The following SLC22A4 variants were observed in gnomAD, a reference collection of about 807,000 sequenced individuals.
SLC22A4 encodes the protein ET transporter.
Under a neutral mutation model 56.6 loss-of-function variants are expected in SLC22A4, and 39 were observed. That is an observed-to-expected ratio of 0.69 (90% confidence interval 0.53 to 0.90). The LOEUF (loss-of-function observed/expected upper bound fraction) is 0.90, where lower values mean the gene tolerates loss of function less well. SLC22A4 is among the 40% of genes least tolerant of loss of function. The pLI, the probability that SLC22A4 is intolerant of heterozygous loss-of-function variation, is 0.00. For synonymous variants in SLC22A4, 241 were observed against 281.4 expected, an observed-to-expected ratio of 0.86 and a Z score of 1.44; for missense variants, 594 against 696.5, an observed-to-expected ratio of 0.85 and a Z score of 1.66.
intron 5 of SLC22A4, among the ~76,000 whole-genome samples, chr5:132,328,138 C>G (rs1005982475): frequency 6.6e-6 from 1 of 152,064 alleles, no homozygotes; most frequent in Non-Finnish European, 1.5e-5. Flanking sequence ...ACACTGTGTG[C>G]CAGCAATACA....
Position 132,294,828 on chromosome 5 carries a change from T to A in SLC22A4, c.212T>A (p.Leu71Gln). The A allele has an allele frequency of 4.3e-6, 7 of 1,610,868 alleles. No homozygotes were observed. Among genetic ancestry groups the A allele is most frequent in the Non-Finnish European group, 3.4e-6 (4 of 1,179,036 alleles). The part of the protein sequence containing the change: ...AWRNNSVPLR[L>Q]RDGREVPHSC... The stretch of plus-strand genomic sequence containing the variant: ...CGCAACAACAGTGTCCCGCTGCGGC[T>A]GCGGGACGGCCGCGAGGTGCCCCAC... Residue 71 changes from leucine (L) to glutamine (Q), a missense_variant, in exon 1 of 10, where the codon CTG becomes CAG. Leu to Gln is a moderately radical substitution (Grantham distance 113). Coordinates refer to ENST00000200652, the MANE Select transcript of SLC22A4 (RefSeq NM_003059.3). This position sits in a 1 kb window ranked among gnomAD's most constrained non-coding sequence, Gnocchi z 5.6.
chr5:132,331,800 G>T lies in SLC22A4; in HGVS notation c.996G>T (p.Leu332=). ...LKQQKAFILD[L]FRTRNIAIMT... ...AGCAGAAAGCTTTCATTCTGGACCT[G>T]TTCAGGACTCGGAATATTGCCATAA... is the stretch of plus-strand genomic sequence containing the variant. The change falls in exon 6 of 10, where the codon CTG becomes CTT. Residue 332 remains leucine, a synonymous_variant. Transcript: ENST00000200652. 1 of 1,613,920 alleles carries T rather than the reference G, an allele frequency of 6.2e-7. No homozygotes were observed. The highest frequency in any genetic ancestry group is 8.5e-7 in the Non-Finnish European group (1 of 1,179,846).
chr5:132,320,797 G>C (rs897517022), intron 3 of SLC22A4: 5 of 152,206 alleles, frequency 3.3e-5, no homozygotes, highest in African/African-American at 1.2e-4. Flanking sequence ...ATATAAACAT[G>C]ACTGAGAAAA....
Position 132,334,772 on chromosome 5 carries a change from T to A in SLC22A4, c.1101T>A (p.His367Gln). The change falls in exon 7 of 10, where the codon CAT (histidine) becomes CAA (glutamine). Residue 367 changes from histidine to glutamine, a missense_variant. By Grantham distance (24) the His-to-Gln change is conservative. Transcript: ENST00000200652. ...FALSLDAPNL[H>Q]GDAYLNCFLS... ...TGTCTCTGGATGCTCCTAATTTACA[T>A]GGAGATGCCTACCTGAACTGTTTCC... is the stretch of plus-strand genomic sequence containing the variant. 1 of 1,613,522 alleles carries A rather than the reference T, an allele frequency of 6.2e-7. No individual in the cohort carries two copies. Among genetic ancestry groups the A allele is most frequent in the South Asian group, 1.1e-5 (1 of 91,072 alleles).
At chr5:132,316,960 G>C (rs1466720500) in intron 3 of SLC22A4, among the ~76,000 whole-genome samples, 1 of 152,198 alleles carries the variant, frequency 6.6e-6, no homozygotes. Context: ...AGATCAAAGT[G>C]CCAGCAGGGT....
intron 1 of SLC22A4, among the ~76,000 whole-genome samples, chr5:132,300,822 C>T (rs76042842): frequency 1.3e-5 from 2 of 152,280 alleles, no homozygotes; most frequent in South Asian, 2.1e-4. Flanking sequence ...TGAGCAGGAA[C>T]GCAAGCAGGG....
chr5:132,301,369 T>G (rs78400356), intron 1 of SLC22A4, among the ~76,000 whole-genome samples: 6,606 of 152,350 alleles, frequency 0.043, 397 homozygotes, highest in African/African-American at 0.13. Context: ...ACCAGTGATC[T>G]AAGACAGGGC....
In SLC22A4 at chr5:132,312,237, C is replaced by T. The variant is rs781338157; in HGVS notation, c.470C>T (p.Ser157Phe). ...SLFFVGVLLG[S>F]FVSGQLSDRF... ...TTCTTCGTAGGCGTGCTCCTCGGCT[C>T]CTTCGTGTCCGGGCAGCTGTCAGAC... The change falls in exon 2 of 10, where the codon TCC becomes TTC. Residue 157 changes from serine to phenylalanine, a missense_variant. Physicochemically the swap from Ser to Phe is radical, Grantham distance 155. Coordinates refer to ENST00000200652, the MANE Select transcript of SLC22A4 (RefSeq NM_003059.3). The T allele has an allele frequency of 1.3e-5, 21 of 1,613,332 alleles. No individual in the cohort carries two copies. In the Admixed American group the frequency reaches 2.3e-4, roughly 18 times the overall value.
intron 6 of SLC22A4, among the ~76,000 whole-genome samples, chr5:132,333,603 A>G (rs1027687532): frequency 2.0e-5 from 3 of 152,210 alleles, no homozygotes; most frequent in South Asian, 2.1e-4. Context: ...TTCTAAGCAC[A>G]TAGTTAGATG....
rs368904414 is a variant in SLC22A4, at chr5:132,312,174, G to A, written c.407G>A (p.Cys136Tyr). 3.1e-6 allele frequency: 5 copies of A among 1,610,032 alleles called. No individual in the cohort carries two copies. In the African/African-American group the frequency reaches 5.3e-5, roughly 17 times the overall value. The change falls in exon 2 of 10, where the codon TGT becomes TAT. Residue 136 changes from cysteine (C) to tyrosine (Y), a missense_variant. By Grantham distance (194) the Cys-to-Tyr change is radical (BLOSUM62 -2). Transcript: ENST00000200652. ...STVVTEWNLV[C>Y]EDNWKVPLTT... ...CTTCCTTGGCAGTGGAATCTGGTGTGTGAGGACAACTGGAAGGTGCCCCTC... is the reference window on the plus strand; with the variant it reads ...CTTCCTTGGCAGTGGAATCTGGTGTATGAGGACAACTGGAAGGTGCCCCTC...
chr5:132,343,943 T>C lies in SLC22A4; in HGVS notation c.*108T>C, dbSNP rs998903680. The C allele has an allele frequency of 1.4e-6, 1 of 691,952 alleles. No homozygotes were observed. Among genetic ancestry groups the C allele is most frequent in the Admixed American group, 2.7e-5 (1 of 37,296 alleles). The allele number at this position is 691,952 out of a possible 1,614,324, so 42.9% of individuals were successfully genotyped here. A position where few individuals can be genotyped will look rare whatever the true frequency, so the allele number is the denominator to read the frequency against. ...CTGACTGTAACGATTGACACCAAAA[T>C]GAACCTTGCTATCAAGAAATGCTCG... On this transcript the variant is annotated 3_prime_UTR_variant, in exon 10 of 10. Transcript: ENST00000200652.
Position 132,294,797 on chromosome 5 carries a change from G to T in SLC22A4, c.181G>T (p.Ala61Ser). The T allele has an allele frequency of 6.2e-7, 1 of 1,613,022 alleles. No individual in the cohort carries two copies. Among genetic ancestry groups the T allele is most frequent in the Non-Finnish European group, 8.5e-7 (1 of 1,179,968 alleles). ...GCCGGACGCCGCGAACCTGAGCAGC[G>T]CCTGGCGCAACAACAGTGTCCCGCT... ...RVPDAANLSSAWRNNSVPLRL... is the reference protein window; with the variant it reads ...RVPDAANLSSSWRNNSVPLRL... Residue 61 changes from alanine to serine, a missense_variant, in exon 1 of 10, where the codon GCC becomes TCC. Coordinates refer to ENST00000200652, the MANE Select transcript of SLC22A4 (RefSeq NM_003059.3). This position sits in a 1 kb window ranked among gnomAD's most constrained non-coding sequence, Gnocchi z 5.6.
At chr5:132,309,902 T>C (rs1166349596) in intron 1 of SLC22A4, among the ~76,000 whole-genome samples, 1 of 152,256 alleles carries the variant, frequency 6.6e-6, no homozygotes, top group Non-Finnish European at 1.5e-5. Flanking sequence ...AGAAAAATAT[T>C]TGACAGACTA....
intron 3 of SLC22A4, among the ~76,000 whole-genome samples, chr5:132,315,877 C>A (rs1184850962): frequency 1.3e-5 from 2 of 152,130 alleles, no homozygotes; most frequent in African/African-American, 4.8e-5. Flanking sequence ...GTTGGGTTCT[C>A]AGGTCTGAAA....
chr5:132,324,241 A>AAGAGAGAGAG (rs61709003), intron 4 of SLC22A4, among the ~76,000 whole-genome samples: 1 of 150,702 alleles, frequency 6.6e-6, no homozygotes, highest in Non-Finnish European at 1.5e-5. Flanking sequence ...ATCAGAGAGA[A>AAGAGAGAGAG]AGAGAGAGAG....
At chr5:132,295,261 A>C (rs1580815341) in intron 1 of SLC22A4, 1 of 704,402 alleles carries the variant, frequency 1.4e-6, no homozygotes, top group East Asian at 2.8e-5. Context: ...TTCATTTCCG[A>C]TTTTCACAAC....
At chr5:132,320,143 A>G (rs1468789268) in intron 3 of SLC22A4, among the ~76,000 whole-genome samples, 4 of 152,224 alleles carry the variant, frequency 2.6e-5, no homozygotes, top group Non-Finnish European at 5.9e-5. Flanking sequence ...TGTCCCCAAC[A>G]TGCACTCTGC....
chr5:132,334,663 A>C, intron 6 of SLC22A4, 55 bp from the exon 7 acceptor site: 1 of 1,264,834 alleles, frequency 7.9e-7, no homozygotes. Flanking sequence ...TGACCATCAT[A>C]AAATTTTAGA....
At chr5:132,310,464 A>G (rs1356370439) in intron 1 of SLC22A4, among the ~76,000 whole-genome samples, 1 of 152,216 alleles carries the variant, frequency 6.6e-6, no homozygotes, top group African/African-American at 2.4e-5. Context: ...TAATCTGGCC[A>G]TACAGTTTTA....
Sources: gnomAD v4.1 joint callset for allele counts (sites outside exome capture counted in the v4.1 genomes callset) on GRCh38, gnomAD v4.1.1 for gene constraint, Gnocchi (gnomAD v3.1) non-coding constraint, MANE v1.5 for transcripts, NCBI Gene and HGNC (gene_info 2026-07-23, HGNC 2026-07-21) for gene names.